The following NOX5 variants were observed in gnomAD, a reference collection of about 807,000 sequenced individuals.
NOX5 encodes NADPH oxidase 5, also known as NADPH oxidase, EF-hand calcium binding domain 5.
NOX5 carries 76 observed loss-of-function variants against 85.7 expected under a neutral mutation model. That is an observed-to-expected ratio of 0.89 (90% CI 0.74 to 1.07). The LOEUF is 1.07. Ranked by LOEUF, NOX5 falls within the 50% of genes least tolerant of loss-of-function variation. NOX5 has a pLI of 0.00. For missense variants in NOX5, 973 were observed against 999.5 expected (o/e 0.97, Z 0.36); for synonymous variants, 405 against 401.4 (o/e 1.01, Z -0.11).
intron 7 of NOX5, among the ~76,000 whole-genome samples, chr15:69,036,248 C>G (rs943410011): frequency 2.0e-5 from 3 of 152,222 alleles, no homozygotes; most frequent in Non-Finnish European, 2.9e-5. Context: ...TGAATCCCCA[C>G]TCCACTGCTT....
intron 3 of NOX5, chr15:69,029,987 T>C (rs2050408661): frequency 6.6e-6 from 1 of 152,244 alleles, no homozygotes; most frequent in Non-Finnish European, 1.5e-5. Flanking sequence ...CCTTATATTC[T>C]GCTTTTTGAT....
chr15:69,046,946 G>A, intron 11 of NOX5, 80 bp downstream of exon 11: 1 of 1,496,604 alleles, frequency 6.7e-7, no homozygotes, highest in East Asian at 2.3e-5. Context: ...TTAAGGAGGG[G>A]CTGTTGTGGT....
Position 69,035,564 on chromosome 15 carries a change from G to A in NOX5, c.1009+57G>A. Reference sequence around the variant, plus strand: ...AGAAGCTTGAGCAGCCTCAAGCCCAGAATGCAGGGCCCAGCCCCTGTGTGT... The same window carrying A: ...AGAAGCTTGAGCAGCCTCAAGCCCAAAATGCAGGGCCCAGCCCCTGTGTGT... On this transcript the variant is annotated intron_variant, in intron 6 of 15. Transcript: ENST00000388866. 8 of 1,598,820 alleles carry A rather than the reference G, an allele frequency of 5.0e-6. No homozygotes were observed. The South Asian group carries it at 8.0e-5, about 16-fold the overall frequency.
At chr15:69,036,019 A>G in intron 7 of NOX5, 83 bp downstream of exon 7, 2 of 1,569,202 alleles carry the variant, frequency 1.3e-6, no homozygotes, top group Admixed American at 3.5e-5. Context: ...GATTTACTCC[A>G]GAGCCCAGGA....
At chr15:69,036,459 A>T (rs1191732551) in intron 7 of NOX5, among the ~76,000 whole-genome samples, 1 of 152,152 alleles carries the variant, frequency 6.6e-6, no homozygotes, top group Non-Finnish European at 1.5e-5. Context: ...GTCACAGAGG[A>T]CTTGGTTTGG....
Position 69,033,499 on chromosome 15 carries a change from T to C in NOX5, c.855+222T>C, listed in dbSNP as rs558298287. On this transcript the variant is annotated intron_variant, in intron 5 of 15. Coordinates refer to ENST00000388866, the MANE Select transcript of NOX5 (RefSeq NM_024505.4). ...GTAAATAATAACATAACTGGCATTTTTGTGCACTATGCACCAGGCACGGTG... is the reference window on the plus strand; with the variant it reads ...GTAAATAATAACATAACTGGCATTTCTGTGCACTATGCACCAGGCACGGTG... 5.3e-5 allele frequency among the ~76,000 whole-genome samples: 8 copies of C among 152,242 alleles called. No homozygotes were observed. The East Asian group carries it at 1.6e-3, about 30-fold the overall frequency.
rs35625970 is a variant in NOX5, at chr15:69,047,958, A to G, written c.1899+47A>G. On this transcript the variant is annotated intron_variant, in intron 13 of 15. Transcript: ENST00000388866. Reference sequence around the variant, plus strand: ...CAGGCCTCCAGACCTTCTCCCCTGGACAACTCCTAAAATAGGAGCCCATCC... The same window carrying G: ...CAGGCCTCCAGACCTTCTCCCCTGGGCAACTCCTAAAATAGGAGCCCATCC... 1.6e-3 allele frequency: 2,532 copies of G among 1,557,692 alleles called. 37 individuals carry two copies. The African/African-American group carries it at 0.031, about 19-fold the overall frequency.
Position 69,022,250 on chromosome 15 carries a change from A to C in NOX5, c.51-4278A>C, listed in dbSNP as rs145129535. 1.9e-4 allele frequency: 39 copies of C among 204,250 alleles called. No individual in the cohort carries two copies. In the East Asian group the frequency reaches 4.2e-3, roughly 22 times the overall value. The allele number at this position is 204,250 out of a possible 1,614,324, so 12.7% of individuals were successfully genotyped here. ...TCCAGATGTCTTCCAATAATGTCGA[A>C]GTTTTTATCCCAATGTCACAAGGAA... On this transcript the variant is annotated intron_variant, in intron 1 of 15. Transcript: ENST00000388866.
rs185180087 is a variant in NOX5, at chr15:69,017,409, C to A, written c.50+2624C>A. On this transcript the variant is annotated intron_variant, in intron 1 of 15. Transcript: ENST00000388866. ...TCAAGTGATCCATCTGCCTCGGCCC[C>A]CCAAAGTACTGGGATTACAGGCATG... 5.8e-4 allele frequency among the ~76,000 whole-genome samples: 89 copies of A among 152,252 alleles called. 1 individual carries two copies. The highest frequency in any genetic ancestry group is 2.1e-3 in the African/African-American group (86 of 41,546).
At position 69,037,022 on chromosome 15, in the gene NOX5, C is replaced by G; in HGVS notation, c.1189-6C>G. On this transcript the variant is annotated splice_polypyrimidine_tract_variant and splice_region_variant and intron_variant, in intron 7 of 15. Coordinates refer to ENST00000388866, the MANE Select transcript of NOX5 (RefSeq NM_024505.4). ...TGGAAGTTGACTGCCCCCCCTACCC[C>G]CATAGGTGTTCTATTGGACTCACCT... 1 of 1,613,218 alleles carries G rather than the reference C, an allele frequency of 6.2e-7. No individual in the cohort carries two copies. The highest frequency in any genetic ancestry group is 8.5e-7 in the Non-Finnish European group (1 of 1,179,812).
At chr15:69,021,478 C>T (rs1218342659) in intron 1 of NOX5, among the ~76,000 whole-genome samples, 2 of 152,044 alleles carry the variant, frequency 1.3e-5, no homozygotes, top group South Asian at 2.1e-4. Context: ...CCACCACGCC[C>T]AGCTAATTTT....
At chr15:69,046,887 A>G (rs2050680496) in intron 11 of NOX5, 21 bp downstream of exon 11, 1 of 1,612,838 alleles carries the variant, frequency 6.2e-7, no homozygotes, top group Non-Finnish European at 8.5e-7. Flanking sequence ...GCAGGGGTGG[A>G]CGTGAGCAAT....
chr15:69,035,443 G>A lies in NOX5; in HGVS notation c.945G>A (p.Gln315=). Residue 315 remains glutamine (Q), a synonymous_variant, in exon 6 of 16, where the codon CAG becomes CAA. Coordinates refer to ENST00000388866, the MANE Select transcript of NOX5 (RefSeq NM_024505.4). ...LPLDQNIQFH[Q]LMGYVVVGLS... ...TGGACCAGAACATCCAGTTCCACCA[G>A]CTTATGGGCTACGTGGTAGTGGGGC... is the stretch of plus-strand genomic sequence containing the variant. The A allele has an allele frequency of 1.2e-6, 2 of 1,614,208 alleles. No homozygotes were observed. Among genetic ancestry groups the A allele is most frequent in the South Asian group, 2.2e-5 (2 of 91,084 alleles).
intron 5 of NOX5, among the ~76,000 whole-genome samples, chr15:69,034,894 G>A (rs1427786169): frequency 6.6e-6 from 1 of 152,040 alleles, no homozygotes; most frequent in African/African-American, 2.4e-5. Context: ...AAGTAGCTAG[G>A]ATTACAGGTG....
intron 5 of NOX5, among the ~76,000 whole-genome samples, chr15:69,034,741 TTTTA>T (rs746680673): frequency 2.8e-4 from 42 of 152,068 alleles, no homozygotes; most frequent in African/African-American, 9.6e-4. Flanking sequence ...AACAGAGATA[TTTTA>T]TTTATTTATT....
At chr15:69,037,316 T>G in intron 8 of NOX5, 106 bp downstream of exon 8, 4 of 1,129,894 alleles carry the variant, frequency 3.5e-6, no homozygotes, top group Non-Finnish European at 3.8e-6. Context: ...AAATAGAGAA[T>G]AGTGTAGCTG....
chr15:69,028,108 T>C, intron 2 of NOX5, 107 bp from the exon 3 acceptor site: 2 of 1,250,132 alleles, frequency 1.6e-6, no homozygotes, highest in South Asian at 3.0e-5. Context: ...CGCCACTCTG[T>C]GGTGCACCCC....
chr15:69,032,343 C>T (rs1366243555), intron 4 of NOX5, among the ~76,000 whole-genome samples: 11 of 151,904 alleles, frequency 7.2e-5, no homozygotes, highest in Non-Finnish European at 4.4e-5. Context: ...ACAGCAAGAC[C>T]CAAGTCTGTC....
At chr15:69,028,036 A>G (rs2050380975) in intron 2 of NOX5, among the ~76,000 whole-genome samples, 179 bp from the exon 3 acceptor site, 1 of 152,124 alleles carries the variant, frequency 6.6e-6, no homozygotes, top group Non-Finnish European at 1.5e-5. Flanking sequence ...AGGGATCGGA[A>G]CAGGTCTTCC....
Sources: gnomAD v4.1 joint callset for allele counts (sites outside exome capture counted in the v4.1 genomes callset) on GRCh38, gnomAD v4.1.1 for gene constraint, MANE v1.5 for transcripts, NCBI Gene and HGNC (gene_info 2026-07-23, HGNC 2026-07-21) for gene names.